Variants in DNAH5 observed in about 807,000 individuals in gnomAD.
DNAH5 encodes axonemal beta dynein heavy chain 5.
A neutral mutation model predicts 518.2 loss-of-function variants in DNAH5; 372 were observed. The observed-to-expected ratio is 0.72, with a 90% confidence interval of 0.66 to 0.78. DNAH5 has a LOEUF of 0.78. Among genes scored for constraint, DNAH5 ranks in the 30% least tolerant of loss-of-function variants. The pLI, the probability that DNAH5 is intolerant of heterozygous loss-of-function variation, is 0.00. For missense variants in DNAH5, 5,523 were observed against 5,687.0 expected (o/e 0.97, Z 0.93); for synonymous variants, 2,039 against 2,025.9 (o/e 1.01, Z -0.17).
In DNAH5 at chr5:13,919,320, T is replaced by C. The variant is rs1481782747; in HGVS notation, c.831A>G (p.Glu277=). The part of the protein sequence containing the change: ...VLAENNQLLK[E]ADDVGPRAEL... The stretch of plus-strand genomic sequence containing the variant: ...CCGCTCGTGGCCCAACGTCATCCGC[T>C]TCCTTCAGCAGCTGATTGTTTTCAG... Residue 277 remains glutamate, a synonymous_variant, in exon 7 of 79, where the codon GAA becomes GAG. Transcript: ENST00000265104. The C allele has an allele frequency of 1.9e-6, 3 of 1,613,988 alleles. No individual in the cohort carries two copies. In the African/African-American group the frequency reaches 4.0e-5, roughly 22 times the overall value.
intron 63 of DNAH5, 68 bp from the exon 64 acceptor site, chr5:13,752,357 T>C (rs910940258): frequency 6.4e-7 from 1 of 1,551,464 alleles, no homozygotes; most frequent in African/African-American, 1.4e-5. Context: ...GGATAACTGT[T>C]TTCAAATGAA....
intron 3 of DNAH5, among the ~76,000 whole-genome samples, chr5:13,927,289 C>T (rs549326056): frequency 1.3e-5 from 2 of 152,022 alleles, no homozygotes; most frequent in Non-Finnish European, 1.5e-5. Flanking sequence ...GTCGAGAGAT[C>T]GAGACCATCC....
intron 58 of DNAH5, among the ~76,000 whole-genome samples, chr5:13,768,396 C>A (rs759698507): frequency 2.0e-4 from 30 of 152,184 alleles, no homozygotes; most frequent in Middle Eastern, 3.2e-3. Flanking sequence ...CCATGCGGAA[C>A]TCTGAGTCAA....
At chr5:13,829,963 G>C in intron 37 of DNAH5, 63 bp downstream of exon 37, 1 of 1,439,504 alleles carries the variant, frequency 6.9e-7, no homozygotes, top group Non-Finnish European at 9.7e-7. Context: ...ATATGACCAG[G>C]GAGATGCATG....
At chr5:13,980,041 T>A (rs761613159) in intron 1 of DNAH5, among the ~76,000 whole-genome samples, 2 of 152,090 alleles carry the variant, frequency 1.3e-5, no homozygotes, top group Non-Finnish European at 2.9e-5. Flanking sequence ...GGTTTCACCA[T>A]GTTGGCCAGA....
intron 1 of DNAH5, among the ~76,000 whole-genome samples, chr5:13,997,554 C>G (rs1241018570): frequency 6.6e-6 from 1 of 152,218 alleles, no homozygotes; most frequent in Admixed American, 6.5e-5. Context: ...ACCACTTAAG[C>G]AATCTCTAAA....
chr5:13,873,847 T>C (rs1000722006), intron 22 of DNAH5, among the ~76,000 whole-genome samples: 4 of 152,182 alleles, frequency 2.6e-5, no homozygotes, highest in African/African-American at 9.7e-5. Flanking sequence ...ATCAAGTTTT[T>C]CCACTGCCTT....
intron 51 of DNAH5, among the ~76,000 whole-genome samples, chr5:13,788,338 G>A (rs935139520): frequency 1.3e-5 from 2 of 152,114 alleles, no homozygotes; most frequent in Non-Finnish European, 2.9e-5. Context: ...GATGCACATA[G>A]TAATACTTTC....
intron 68 of DNAH5, 72 bp downstream of exon 68, chr5:13,735,059 G>T: frequency 1.4e-6 from 2 of 1,421,200 alleles, no homozygotes; most frequent in Non-Finnish European, 2.0e-6. Flanking sequence ...ACCAAAAAAT[G>T]TACTGCAAAG....
At position 13,920,894 on chromosome 5, in the gene DNAH5, C is replaced by T. The variant is rs1777181302; in HGVS notation, c.661-277G>A. Among the ~76,000 whole-genome samples, 5 of 152,102 alleles carry T rather than the reference C, an allele frequency of 3.3e-5. No homozygotes were observed. The South Asian group carries it at 1.0e-3, about 32-fold the overall frequency. ...AGAATGCCTCCTCCCACCTGGGGAC[C>T]CATCCCATTTTGGTAATACTTTTAT... On this transcript the variant is annotated intron_variant, in intron 5 of 78. Transcript: ENST00000265104.
intron 25 of DNAH5, among the ~76,000 whole-genome samples, chr5:13,867,089 C>A (rs1424627732): frequency 6.6e-6 from 1 of 152,130 alleles, no homozygotes; most frequent in Non-Finnish European, 1.5e-5. Flanking sequence ...TAACTGCATG[C>A]GAATAGTACT....
chr5:13,765,596 T>A (rs768555724), intron 59 of DNAH5, among the ~76,000 whole-genome samples: 14 of 152,204 alleles, frequency 9.2e-5, no homozygotes, highest in Non-Finnish European at 1.9e-4. Context: ...ACATTTAAAA[T>A]TTGTGCATTT....
intron 70 of DNAH5, among the ~76,000 whole-genome samples, chr5:13,726,245 T>C (rs1745711766): frequency 6.6e-6 from 1 of 152,162 alleles, no homozygotes; most frequent in African/African-American, 2.4e-5. Context: ...CTAAACCTTG[T>C]TTAGGACCTG....
chr5:13,923,211 G>A, intron 4 of DNAH5, 69 bp downstream of exon 4: 1 of 1,579,798 alleles, frequency 6.3e-7, no homozygotes, highest in South Asian at 1.1e-5. Flanking sequence ...GTCTCCACCA[G>A]AGGAATATTT....
rs70964509 is a variant in DNAH5 at position 13,799,206 on chromosome 5, AC to A, written c.7888-5149del. On this transcript the variant is annotated intron_variant, in intron 47 of 78. Coordinates refer to ENST00000265104, the MANE Select transcript of DNAH5 (RefSeq NM_001369.3). Reference sequence around the variant, plus strand: ...TGTACAATAGCAAAAAGAATTTCATACCCCCCCCCACAAAAATGCAAAATTG... The same window carrying A: ...TGTACAATAGCAAAAAGAATTTCATACCCCCCCCACAAAAATGCAAAATTG... 5.1e-3 allele frequency among the ~76,000 whole-genome samples: 709 copies of A among 139,160 alleles called. 9 individuals are homozygous for A. The highest frequency in any genetic ancestry group is 0.018 in the African/African-American group (669 of 37,606). 91.3% of individuals were successfully genotyped at this position (139,160 alleles called of 152,430 possible).
At chr5:14,001,109 G>C (rs1784322920) in intron 1 of DNAH5, among the ~76,000 whole-genome samples, 1 of 152,166 alleles carries the variant, frequency 6.6e-6, no homozygotes. Flanking sequence ...CATGAACGTA[G>C]AGATGGGAAC....
At chr5:13,769,727 T>C (rs1753066416) in intron 56 of DNAH5, 112 bp from the exon 57 acceptor site, 1 of 936,798 alleles carries the variant, frequency 1.1e-6, no homozygotes, top group Non-Finnish European at 1.7e-6. Flanking sequence ...ATTGCATGTA[T>C]GCAAGTAGCA....
chr5:13,856,775 A>C (rs1580611085), intron 30 of DNAH5, among the ~76,000 whole-genome samples: 1 of 152,340 alleles, frequency 6.6e-6, no homozygotes, highest in Non-Finnish European at 1.5e-5. Flanking sequence ...TGATTATCTC[A>C]ATAGATGCAG....
chr5:14,001,484 C>T (rs1289142205), intron 1 of DNAH5, among the ~76,000 whole-genome samples: 1 of 151,972 alleles, frequency 6.6e-6, no homozygotes, highest in East Asian at 1.9e-4. Flanking sequence ...CTGCCTCAGC[C>T]TCCTGAGTAG....
Sources: gnomAD v4.1 joint callset for allele counts (sites outside exome capture counted in the v4.1 genomes callset) on GRCh38, gnomAD v4.1.1 for gene constraint, MANE v1.5 for transcripts, NCBI Gene and HGNC (gene_info 2026-07-23, HGNC 2026-07-21) for gene names.